The following NUDT13 variants were observed in gnomAD, a reference collection of about 807,000 sequenced individuals.
The protein encoded by NUDT13 is NAD(P)H pyrophosphatase NUDT13, mitochondrial.
A neutral mutation model predicts 41.7 loss-of-function variants in NUDT13; 40 were observed. The ratio of observed to expected loss-of-function variants is 0.96; its 90% CI spans 0.75 to 1.25. The LOEUF (loss-of-function observed/expected upper bound fraction) is 1.25. Ranked by LOEUF, NUDT13 falls within the 50% of genes most tolerant of loss-of-function variation. The probability of loss-of-function intolerance (pLI) is 0.00; values close to 1 mark genes in which losing one functional copy is unlikely to be tolerated. For missense variants in NUDT13, 390 were observed against 416.1 expected (o/e 0.94, Z 0.55); for synonymous variants, 145 against 155.5 (o/e 0.93, Z 0.50).
intron 3 of NUDT13, among the ~76,000 whole-genome samples, chr10:73,120,643 C>A (rs957113375): frequency 3.3e-5 from 5 of 152,046 alleles, no homozygotes; most frequent in African/African-American, 4.8e-5. Flanking sequence ...TATGCTAATT[C>A]AGAGTTCCAT....
At chr10:73,125,623 C>A in intron 7 of NUDT13, 114 bp downstream of exon 7, 1 of 459,884 alleles carries the variant, frequency 2.2e-6, no homozygotes. Context: ...TCTTTTCTAT[C>A]ATGTCAAGAA....
At chr10:73,114,048 A>AT (rs1237385272) in intron 1 of NUDT13, among the ~76,000 whole-genome samples, 27 of 152,306 alleles carry the variant, frequency 1.8e-4, no homozygotes, top group Admixed American at 4.6e-4. Context: ...TTCTGAAAAA[A>AT]TTTCCTAATG....
chr10:73,117,384 C>G (rs891522652), intron 2 of NUDT13, among the ~76,000 whole-genome samples: 1 of 150,698 alleles, frequency 6.6e-6, no homozygotes, highest in Admixed American at 6.6e-5. Context: ...TGGCAAAACC[C>G]CATCTCTATT....
intron 1 of NUDT13, among the ~76,000 whole-genome samples, chr10:73,112,004 C>T (rs1214195035): frequency 2.6e-5 from 4 of 152,070 alleles, no homozygotes; most frequent in South Asian, 2.1e-4. Context: ...ATCCCACTCC[C>T]CCAAATTAGT....
At position 73,131,043 on chromosome 10, in the gene NUDT13, A is replaced by G. The variant is rs936130643; in HGVS notation, c.*140A>G. The G allele has an allele frequency of 1.6e-6, 1 of 627,548 alleles. No individual in the cohort carries two copies. The highest frequency in any genetic ancestry group is 2.8e-5 in the Admixed American group (1 of 35,634). The allele number at this position is 627,548 out of a possible 1,614,324, so 38.9% of individuals were successfully genotyped here. On this transcript the variant is annotated 3_prime_UTR_variant, in exon 9 of 9. Transcript: ENST00000357321. The stretch of plus-strand genomic sequence containing the variant: ...GCAAAGGGTGAGCCTACAGTAAGAC[A>G]CTTCTATCAGCAGTGTTAATGGAAG...
intron 2 of NUDT13, among the ~76,000 whole-genome samples, chr10:73,119,013 A>C (rs1374914452): frequency 6.6e-6 from 1 of 151,960 alleles, no homozygotes; most frequent in Non-Finnish European, 1.5e-5. Context: ...ATCCTTATTA[A>C]ATAGGTTAAG....
intron 3 of NUDT13, 131 bp downstream of exon 3, chr10:73,120,288 C>A: frequency 2.6e-6 from 2 of 761,102 alleles, no homozygotes; most frequent in Non-Finnish European, 4.0e-6. Flanking sequence ...GAGTCTCATG[C>A]TTGTATAACT....
intron 5 of NUDT13, chr10:73,124,585 A>G: frequency 2.5e-6 from 1 of 401,408 alleles, no homozygotes; most frequent in East Asian, 4.1e-5. Flanking sequence ...AGCCTCATAA[A>G]CATTTTTAAT....
Position 73,120,030 on chromosome 10 carries a change from A to C in NUDT13, c.96A>C (p.Glu32Asp). The change falls in exon 3 of 9, where the codon GAA (glutamate) becomes GAC (aspartate). Residue 32 changes from glutamate to aspartate, a missense_variant. Glu to Asp is a conservative substitution (Grantham distance 45). Coordinates refer to ENST00000357321, the MANE Select transcript of NUDT13 (RefSeq NM_015901.6). ...TTCCCAAATACAGGTATTTATTTGAACTGAAGGAAGATGATGATGCATGTA... is the reference window on the plus strand; with the variant it reads ...TTCCCAAATACAGGTATTTATTTGACCTGAAGGAAGATGATGATGCATGTA... ...TYVTKTRYLF[E>D]LKEDDDACKK... 6.2e-7 allele frequency: 1 copy of C among 1,614,230 alleles called. No individual in the cohort carries two copies. Among genetic ancestry groups the C allele is most frequent in the Non-Finnish European group, 8.5e-7 (1 of 1,180,018 alleles).
intron 2 of NUDT13, 96 bp from the exon 3 acceptor site, chr10:73,119,922 G>A: frequency 8.7e-6 from 11 of 1,267,584 alleles, no homozygotes. Flanking sequence ...AATAACCATG[G>A]TAAGAGAGGG....
At position 73,114,432 on chromosome 10, in the gene NUDT13, T is replaced by C; in HGVS notation, c.67T>C (p.Tyr23His). Residue 23 changes from tyrosine to histidine, a missense_variant, in exon 2 of 9, where the codon TAT becomes CAT. By Grantham distance (83) the Tyr-to-His change is moderately conservative (BLOSUM62 2). Coordinates refer to ENST00000357321, the MANE Select transcript of NUDT13 (RefSeq NM_015901.6). Reference protein sequence around the residue: ...FFWCYRLLSTYVTKTRYLFEL... With the variant: ...FFWCYRLLSTHVTKTRYLFEL... ...TTGGTGCTATAGGCTGCTGTCAACC[T>C]ATGTTACTAAGACACGGTGAGTTTT... The C allele has an allele frequency of 6.3e-7, 1 of 1,586,174 alleles. No homozygotes were observed. The highest frequency in any genetic ancestry group is 1.2e-5 in the South Asian group (1 of 86,394).
At position 73,124,228 on chromosome 10, in the gene NUDT13, C is replaced by T. The variant is rs1671516191; in HGVS notation, c.373C>T (p.Pro125Ser). The stretch of plus-strand genomic sequence containing the variant: ...TAATTTTCTAGCCTCCTTACACAAA[C>T]CTGAAATGGAGACAGAGCTCAAGGG... ...SFSISASLHK[P>S]EMETELKGSF... Residue 125 changes from proline to serine, a missense_variant, in exon 5 of 9, where the codon CCT becomes TCT. By Grantham distance (74) the Pro-to-Ser change is moderately conservative. Transcript: ENST00000357321. The T allele has an allele frequency of 1.9e-6, 3 of 1,611,432 alleles. No homozygotes were observed. The highest frequency in any genetic ancestry group is 1.3e-5 in the African/African-American group (1 of 74,908).
intron 7 of NUDT13, among the ~76,000 whole-genome samples, chr10:73,125,776 C>A (rs996574432): frequency 6.6e-6 from 1 of 151,146 alleles, no homozygotes; most frequent in African/African-American, 2.4e-5. Flanking sequence ...CCTCAACCTT[C>A]TGGGTTCAAG....
chr10:73,124,944 A>G (rs1359768835), intron 5 of NUDT13, 174 bp from the exon 6 acceptor site: 4 of 576,230 alleles, frequency 6.9e-6, no homozygotes, highest in African/African-American at 1.9e-5. Context: ...TGCTAGAGGA[A>G]TATGTTCAGT....
intron 4 of NUDT13, among the ~76,000 whole-genome samples, chr10:73,123,746 C>A (rs1291204788): frequency 6.6e-6 from 1 of 152,112 alleles, no homozygotes; most frequent in Non-Finnish European, 1.5e-5. Flanking sequence ...GCAACCTCTG[C>A]CTCCTGGGTT....
At chr10:73,124,379 C>A in intron 5 of NUDT13, 59 bp downstream of exon 5, 5 of 1,129,040 alleles carry the variant, frequency 4.4e-6, no homozygotes, top group South Asian at 3.7e-5. Flanking sequence ...GTGGGCAAAT[C>A]CATGTGTACA....
chr10:73,128,329 C>T (rs1044609268), intron 8 of NUDT13, among the ~76,000 whole-genome samples: 5 of 152,166 alleles, frequency 3.3e-5, no homozygotes, highest in Non-Finnish European at 7.3e-5. Context: ...CACCAACTTA[C>T]ATTCCCCACA....
chr10:73,125,109 T>C lies in NUDT13; in HGVS notation c.466-9T>C, dbSNP rs1367920935. ...CCAAATGACACCAGGCCCATCATTG[T>C]GTTCCTAGGCTCAAGCTCTTCTCCG... On this transcript the variant is annotated splice_polypyrimidine_tract_variant and intron_variant, in intron 5 of 8. Coordinates refer to ENST00000357321, the MANE Select transcript of NUDT13 (RefSeq NM_015901.6). The C allele has an allele frequency of 6.2e-7, 1 of 1,603,086 alleles. No homozygotes were observed. Among genetic ancestry groups the C allele is most frequent in the Admixed American group, 1.8e-5 (1 of 56,430 alleles).
intron 4 of NUDT13, among the ~76,000 whole-genome samples, chr10:73,123,812 C>T (rs917344280): frequency 1.3e-5 from 2 of 152,112 alleles, no homozygotes; most frequent in African/African-American, 2.4e-5. Context: ...GCGCCCACCA[C>T]CAAGCCCAGC....
Sources: allele counts gnomAD v4.1 joint callset (sites outside exome capture counted in the v4.1 genomes callset), GRCh38; gene constraint gnomAD v4.1.1; transcripts MANE v1.5; gene names NCBI Gene and HGNC (gene_info 2026-07-23, HGNC 2026-07-21).